ZFAT: variants seen among roughly 807,000 people sequenced by gnomAD.
The protein encoded by ZFAT is zinc finger protein ZFAT.
Under a neutral mutation model 117.7 loss-of-function variants are expected in ZFAT, and 64 were observed. The observed-to-expected ratio is 0.54, with a 90% CI of 0.44 to 0.67. The LOEUF is 0.67. ZFAT is among the 30% of genes least tolerant of loss of function. ZFAT has a pLI of 0.00. For missense variants in ZFAT, 1,433 were observed against 1,584.5 expected (o/e 0.90, Z 1.62); for synonymous variants, 679 against 615.0 (o/e 1.10, Z -1.54).
chr8:134,779,770 C>T, the ZFAT span, among the ~76,000 whole-genome samples: 9 of 152,284 alleles, frequency 5.9e-5, no homozygotes, highest in African/African-American at 2.2e-4. Context: ...TTTACAGTAG[C>T]AATGTCAATG....
chr8:134,629,564 T>C (rs1311747124), intron 3 of ZFAT, among the ~76,000 whole-genome samples: 1 of 152,078 alleles, frequency 6.6e-6, no homozygotes, highest in Non-Finnish European at 1.5e-5. Flanking sequence ...ATCATGGGGG[T>C]GGATTTCCTC....
intron 2 of ZFAT, among the ~76,000 whole-genome samples, chr8:134,639,023 T>A (rs895756300): frequency 6.6e-6 from 1 of 152,204 alleles, no homozygotes; most frequent in African/African-American, 2.4e-5. Flanking sequence ...CTCAGGTCCC[T>A]TCCTGCTCTC....
intron 11 of ZFAT, among the ~76,000 whole-genome samples, chr8:134,534,798 G>A (rs1306370910): frequency 3.1e-5 from 2 of 63,954 alleles, no homozygotes; most frequent in African/African-American, 1.2e-4. Flanking sequence ...AGAGAGAGAG[G>A]AGGGAGGAAA....
At chr8:134,731,602 G>C in the ZFAT span, among the ~76,000 whole-genome samples, 1 of 152,356 alleles carries the variant, frequency 6.6e-6, no homozygotes, top group East Asian at 1.9e-4. Flanking sequence ...GGAATACACA[G>C]TGTGCTCAGT....
At chr8:134,712,740 G>C (rs1415056333) in intron 1 of ZFAT, 105 bp downstream of exon 1, 39 of 1,164,264 alleles carry the variant, frequency 3.3e-5, no homozygotes, top group Non-Finnish European at 4.2e-5. Flanking sequence ...CCGGCGGCCG[G>C]CGGCCGGCGC....
At chr8:134,735,755 T>C in the ZFAT span, among the ~76,000 whole-genome samples, 1 of 152,184 alleles carries the variant, frequency 6.6e-6, no homozygotes, top group Non-Finnish European at 1.5e-5. Flanking sequence ...TAAATGCATA[T>C]AAGCTTATAC....
the ZFAT span, among the ~76,000 whole-genome samples, chr8:134,799,600 T>C: frequency 1.8e-4 from 28 of 152,200 alleles, no homozygotes; most frequent in Non-Finnish European, 4.1e-4. Context: ...GTAGGTGCTA[T>C]TATAATTTCA....
rs568459293 is a variant in ZFAT, at chr8:134,490,515, G to T, written c.3493-11794C>A. ...ATAGAAGTTGCAGGGCCCAAAAGATGCCTGTGCCTTCAAATACACAAGGAG... is the reference window on the plus strand; with the variant it reads ...ATAGAAGTTGCAGGGCCCAAAAGATTCCTGTGCCTTCAAATACACAAGGAG... On this transcript the variant is annotated intron_variant, in intron 15 of 15. Coordinates refer to ENST00000377838, the MANE Select transcript of ZFAT (RefSeq NM_020863.4). 2.8e-4 allele frequency among the ~76,000 whole-genome samples: 43 copies of T among 152,342 alleles called. 1 individual carries two copies. The highest frequency in any genetic ancestry group is 2.3e-3 in the South Asian group (11 of 4,830).
At chr8:134,760,286 AAAC>A in the ZFAT span, among the ~76,000 whole-genome samples, 1,514 of 121,802 alleles carry the variant, frequency 0.012, 12 homozygotes, top group Middle Eastern at 0.036. Flanking sequence ...AAAAAAAAAA[AAAC>A]AAACAAAAAA....
intron 10 of ZFAT, among the ~76,000 whole-genome samples, chr8:134,566,490 AT>A (rs1045192616): frequency 2.6e-5 from 4 of 152,108 alleles, no homozygotes; most frequent in Non-Finnish European, 5.9e-5. Flanking sequence ...GGTACCCTAC[AT>A]TTTGCCTCTG....
chr8:134,549,302 G>A (rs566577103), intron 11 of ZFAT, among the ~76,000 whole-genome samples: 6 of 152,238 alleles, frequency 3.9e-5, no homozygotes, highest in Non-Finnish European at 7.4e-5. Context: ...TTAGCCAGGC[G>A]TGGGGGCAGG....
At chr8:134,592,746 C>A (rs776121652) in intron 7 of ZFAT, among the ~76,000 whole-genome samples, 1 of 152,108 alleles carries the variant, frequency 6.6e-6, no homozygotes, top group Non-Finnish European at 1.5e-5. Context: ...TGGGAGTCTC[C>A]GAGAGCGGGA....
At chr8:134,535,474 TCTCCCCCTCCCC>T (rs1258416425) in intron 11 of ZFAT, among the ~76,000 whole-genome samples, 213 of 95,150 alleles carry the variant, frequency 2.2e-3, no homozygotes, top group African/African-American at 8.3e-3. Flanking sequence ...CAGAGCTCCC[TCTCCCCCTCCCC>T]CTCCCCCTCC....
chr8:134,736,735 G>A, the ZFAT span, among the ~76,000 whole-genome samples: 8 of 151,924 alleles, frequency 5.3e-5, no homozygotes, highest in Admixed American at 2.6e-4. Flanking sequence ...AGTGGGGTGC[G>A]TACCACCACA....
At chr8:134,610,423 G>C in intron 4 of ZFAT, 47 bp downstream of exon 4, 1 of 1,567,840 alleles carries the variant, frequency 6.4e-7, no homozygotes, top group African/African-American at 1.4e-5. Flanking sequence ...CCTTGGCACA[G>C]ACTTGCCAAG....
intron 4 of ZFAT, among the ~76,000 whole-genome samples, chr8:134,609,928 G>T (rs1000987261): frequency 6.6e-6 from 1 of 152,096 alleles, no homozygotes; most frequent in Non-Finnish European, 1.5e-5. Context: ...GATCTTAAAA[G>T]AAAAGAAAAA....
intron 11 of ZFAT, among the ~76,000 whole-genome samples, chr8:134,547,064 C>T (rs747362810): frequency 6.6e-6 from 1 of 152,212 alleles, no homozygotes; most frequent in Non-Finnish European, 1.5e-5. Flanking sequence ...ATGCCTCAGT[C>T]ACCCAGGGTA....
chr8:134,729,848 C>T, the ZFAT span, among the ~76,000 whole-genome samples: 1 of 152,306 alleles, frequency 6.6e-6, no homozygotes, highest in East Asian at 1.9e-4. Flanking sequence ...TTAAGAGTAT[C>T]CACTCCATGG....
intron 10 of ZFAT, among the ~76,000 whole-genome samples, chr8:134,569,716 C>A (rs576248796): frequency 1.3e-5 from 2 of 152,214 alleles, no homozygotes; most frequent in Admixed American, 6.5e-5. Context: ...GATGAGGCTG[C>A]GGGTGCATAC....
Sources: allele counts gnomAD v4.1 joint callset (sites outside exome capture counted in the v4.1 genomes callset), GRCh38; gene constraint gnomAD v4.1.1; transcripts MANE v1.5; gene names NCBI Gene and HGNC (gene_info 2026-07-23, HGNC 2026-07-21).